The following ANK3 variants were observed in gnomAD, a reference collection of about 807,000 sequenced individuals.
ANK3 encodes ankyrin-3.
ANK3 carries 57 observed loss-of-function variants against 370.9 expected under a neutral mutation model. The observed-to-expected ratio is 0.15, with a 90% CI of 0.12 to 0.19. ANK3 has a LOEUF of 0.19. Ranked by LOEUF, ANK3 falls within the 10% of genes least tolerant of loss-of-function variation. The pLI is 1.00. For synonymous variants in ANK3, 1,929 were observed against 1,946.3 expected, an observed-to-expected ratio of 0.99 and a Z score of 0.23; for missense variants, 4,439 against 5,302.1, an observed-to-expected ratio of 0.84 and a Z score of 5.06.
At chr10:60,371,858 G>A (rs1197279339) in intron 1 of ANK3, among the ~76,000 whole-genome samples, 1 of 152,088 alleles carries the variant, frequency 6.6e-6, no homozygotes, top group Non-Finnish European at 1.5e-5. Flanking sequence ...GATGAAGAAG[G>A]TGAGAAAAGA....
At chr10:60,523,931 A>C (rs1318084039) in intron 2 of ANK3, among the ~76,000 whole-genome samples, 1 of 152,112 alleles carries the variant, frequency 6.6e-6, no homozygotes, top group African/African-American at 2.4e-5. Flanking sequence ...ACAAGCATCT[A>C]CATCTGCACA....
intron 2 of ANK3, among the ~76,000 whole-genome samples, chr10:60,542,460 GT>G (rs1337528730): frequency 6.6e-6 from 1 of 151,548 alleles, no homozygotes; most frequent in Non-Finnish European, 1.5e-5. Context: ...GTTTTATTTC[GT>G]TTTTGTTTTT....
At chr10:60,503,355 G>A (rs1198438074) in intron 2 of ANK3, among the ~76,000 whole-genome samples, 5 of 152,130 alleles carry the variant, frequency 3.3e-5, no homozygotes, top group African/African-American at 9.7e-5. Flanking sequence ...GACATTTATT[G>A]ATCATTTCCT....
intron 1 of ANK3, among the ~76,000 whole-genome samples, chr10:60,691,694 T>C (rs982544631): frequency 1.3e-5 from 2 of 152,202 alleles, no homozygotes; most frequent in African/African-American, 4.8e-5. Context: ...TTATACCTCT[T>C]GCATGACTAA....
intron 1 of ANK3, among the ~76,000 whole-genome samples, chr10:60,663,352 C>G (rs1258710411): frequency 1.3e-5 from 2 of 152,184 alleles, no homozygotes; most frequent in African/African-American, 4.8e-5. Context: ...AAAGGGTCCC[C>G]AAGCCCCTCG....
chr10:60,261,354 T>C (rs1284196078), intron 7 of ANK3, among the ~76,000 whole-genome samples: 1 of 152,214 alleles, frequency 6.6e-6, no homozygotes, highest in African/African-American at 2.4e-5. Flanking sequence ...GATATGAGCT[T>C]ACTCAGGTTA....
At chr10:60,538,827 TAAAAA>T (rs1271145348) in intron 2 of ANK3, among the ~76,000 whole-genome samples, 2 of 151,892 alleles carry the variant, frequency 1.3e-5, no homozygotes, top group African/African-American at 4.8e-5. Flanking sequence ...TTACACTTTC[TAAAAA>T]TAAATGGTAT....
chr10:60,053,288 A>G (rs9665327), intron 42 of ANK3, among the ~76,000 whole-genome samples: 38,418 of 152,122 alleles, frequency 0.25, 7,275 homozygotes, highest in East Asian at 0.59. Flanking sequence ...GGGAAAACTG[A>G]ATCTGAATTA....
intron 2 of ANK3, among the ~76,000 whole-genome samples, chr10:60,438,808 T>C (rs1177343194): frequency 6.6e-6 from 1 of 152,228 alleles, no homozygotes; most frequent in African/African-American, 2.4e-5. Context: ...GATAACATTT[T>C]GATTCTGATT....
chr10:60,646,433 G>C (rs1463489114), intron 1 of ANK3, among the ~76,000 whole-genome samples: 1 of 152,146 alleles, frequency 6.6e-6, no homozygotes, highest in Non-Finnish European at 1.5e-5. Context: ...ACTGCAGTCT[G>C]GACTAGGTAG....
intron 2 of ANK3, among the ~76,000 whole-genome samples, chr10:60,601,472 T>C (rs2078063507): frequency 6.6e-6 from 1 of 152,090 alleles, no homozygotes; most frequent in Non-Finnish European, 1.5e-5. Context: ...CCAAGACCCA[T>C]AATCCCAGTG....
At chr10:60,481,232 T>C (rs2075207306) in intron 2 of ANK3, among the ~76,000 whole-genome samples, 1 of 152,216 alleles carries the variant, frequency 6.6e-6, no homozygotes, top group Non-Finnish European at 1.5e-5. Flanking sequence ...CTGATCTTTC[T>C]ACGTGCCTGT....
In ANK3 at chr10:60,030,165, CGGAG is replaced by C. The variant is rs548224500; in HGVS notation, c.*20-343_*20-340del. 8.1e-3 allele frequency among the ~76,000 whole-genome samples: 1,222 copies of C among 151,630 alleles called. 13 individuals are homozygous for C. The highest frequency in any genetic ancestry group is 0.027 in the Middle Eastern group (8 of 294). ...GTTCAACTTTTTTTCTTTTTTGAGACGGAGTCTTGCTCTGTTGCCCAGGCTGGAG... is the reference window on the plus strand; with the variant it reads ...GTTCAACTTTTTTTCTTTTTTGAGACTCTTGCTCTGTTGCCCAGGCTGGAG... On this transcript the variant is annotated intron_variant, in intron 43 of 43. Coordinates refer to ENST00000280772, the MANE Select transcript of ANK3 (RefSeq NM_020987.5).
intron 2 of ANK3, among the ~76,000 whole-genome samples, chr10:60,483,646 A>C (rs948993665): frequency 6.6e-6 from 1 of 152,162 alleles, no homozygotes; most frequent in Non-Finnish European, 1.5e-5. Context: ...AAAATGACAC[A>C]GAGCATATTT....
chr10:60,111,873 A>T (rs2092737205), intron 26 of ANK3: 2 of 423,894 alleles, frequency 4.7e-6, no homozygotes, highest in Non-Finnish European at 9.3e-6. Flanking sequence ...AACCATCAGA[A>T]AATGAAACCA....
intron 1 of ANK3, among the ~76,000 whole-genome samples, chr10:60,629,198 T>C (rs2078450434): frequency 6.6e-6 from 1 of 152,166 alleles, no homozygotes; most frequent in Admixed American, 6.5e-5. Flanking sequence ...CAAAAACGTA[T>C]GCTTATTTGA....
intron 25 of ANK3, among the ~76,000 whole-genome samples, chr10:60,121,688 C>T (rs1300324615): frequency 3.6e-5 from 1 of 27,450 alleles, no homozygotes; most frequent in African/African-American, 1.1e-4. Flanking sequence ...CAGACCCTTT[C>T]TCAAAAAAAA....
At chr10:60,238,872 T>A (rs1325737161) in intron 7 of ANK3, among the ~76,000 whole-genome samples, 1 of 151,920 alleles carries the variant, frequency 6.6e-6, no homozygotes, top group Non-Finnish European at 1.5e-5. Context: ...TCTCCCCTCC[T>A]ACACACAATA....
chr10:60,181,352 C>T lies in ANK3; in HGVS notation c.2161G>A (p.Ala721Thr), dbSNP rs147329178. Residue 721 changes from alanine (A) to threonine (T), a missense_variant, in exon 18 of 44, where the codon GCT becomes ACT. By Grantham distance (58) the Ala-to-Thr change is moderately conservative. This residue lies in a region of ANK3 where 702 missense variants were observed against 941.5 expected (regional missense o/e 0.75). Coordinates refer to ENST00000280772, the MANE Select transcript of ANK3 (RefSeq NM_020987.5). ...NVAEVLVNQG[A>T]HVDAQTKMGY... ...ACCTTTGTCTGGGCGTCCACATGAG[C>T]CCCTTGGTTTACGAGGACTTCTGCC... is the stretch of plus-strand genomic sequence containing the variant. 1.2e-6 allele frequency: 2 copies of T among 1,614,188 alleles called. No individual in the cohort carries two copies. The highest frequency in any genetic ancestry group is 1.1e-5 in the South Asian group (1 of 91,090).
Sources: allele counts gnomAD v4.1 joint callset (sites outside exome capture counted in the v4.1 genomes callset), GRCh38; gene constraint gnomAD v4.1.1; regional missense constraint gnomAD v4.1.1; transcripts MANE v1.5; gene names NCBI Gene and HGNC (gene_info 2026-07-23, HGNC 2026-07-21).